The following ADAM32 variants were observed in gnomAD, a reference collection of about 807,000 sequenced individuals.
ADAM32 encodes the protein ADAM metallopeptidase domain 32, also known as disintegrin and metalloproteinase domain-containing protein 32.
A neutral mutation model predicts 114.9 loss-of-function variants in ADAM32; 89 were observed. The observed-to-expected ratio is 0.77, with a 90% CI of 0.65 to 0.92. The LOEUF (loss-of-function observed/expected upper bound fraction) is 0.92, where lower values mean the gene tolerates loss of function less well. ADAM32 is among the 40% of genes least tolerant of loss of function. The pLI, the probability that ADAM32 is intolerant of heterozygous loss-of-function variation, is 0.00. For synonymous variants in ADAM32, 285 were observed against 307.5 expected, an observed-to-expected ratio of 0.93 and a Z score of 0.77; for missense variants, 870 against 932.8, an observed-to-expected ratio of 0.93 and a Z score of 0.88.
At chr8:39,125,653 T>A (rs896225175) in intron 2 of ADAM32, among the ~76,000 whole-genome samples, 1 of 152,236 alleles carries the variant, frequency 6.6e-6, no homozygotes, top group Admixed American at 6.5e-5. Flanking sequence ...TACTTTCTTT[T>A]GCCCCACAGA....
intron 11 of ADAM32, among the ~76,000 whole-genome samples, chr8:39,204,043 G>A (rs1054374481): frequency 1.3e-4 from 20 of 152,232 alleles, no homozygotes; most frequent in South Asian, 1.0e-3. Flanking sequence ...AACCGGACCC[G>A]TCTCTCTGGC....
intron 19 of ADAM32, among the ~76,000 whole-genome samples, chr8:39,263,456 C>T (rs892204438): frequency 2.0e-5 from 3 of 152,124 alleles, no homozygotes; most frequent in Non-Finnish European, 2.9e-5. Flanking sequence ...TTAGTGTCCC[C>T]ATTCTAGCCT....
rs560914420 is a variant in ADAM32, at chr8:39,189,866, C to T, written c.1052+2821C>T. Among the ~76,000 whole-genome samples the T allele has an allele frequency of 5.9e-5, 9 of 151,954 alleles. No individual in the cohort carries two copies. The South Asian group carries it at 1.2e-3, about 21-fold the overall frequency. ...AGGCTGGAGTGCGGTGGCGCGATCTCGGCTCACTGCAAGCTTCGGCTCACT... is the reference window on the plus strand; with the variant it reads ...AGGCTGGAGTGCGGTGGCGCGATCTTGGCTCACTGCAAGCTTCGGCTCACT... On this transcript the variant is annotated intron_variant, in intron 11 of 24. Coordinates refer to ENST00000379907, the MANE Select transcript of ADAM32 (RefSeq NM_145004.7).
At chr8:39,166,625 T>C (rs1804854968) in intron 9 of ADAM32, 1 of 152,216 alleles carries the variant, frequency 6.6e-6, no homozygotes, top group South Asian at 2.1e-4. Flanking sequence ...CTGTTTTCCA[T>C]AGTGGCTGTA....
At chr8:39,266,152 A>G (rs1049803393) in intron 19 of ADAM32, among the ~76,000 whole-genome samples, 15 of 152,100 alleles carry the variant, frequency 9.9e-5, no homozygotes, top group African/African-American at 3.6e-4. Context: ...GGGGATGGTC[A>G]TCTTGTATGG....
In ADAM32 at chr8:39,246,156, C is replaced by T. The variant is rs774190637; in HGVS notation, c.1892C>T (p.Ser631Phe). 5.0e-6 allele frequency: 8 copies of T among 1,612,630 alleles called. No individual in the cohort carries two copies. The East Asian group carries it at 1.6e-4, about 31-fold the overall frequency. ...GCACATGTTTGTTCACAACAGTGTT[C>T]TGGACATGGAGTAAGTAACCACATG... ...ASAHVCSQQCSGHGVCDSRNK... is the reference protein window; with the variant it reads ...ASAHVCSQQCFGHGVCDSRNK... The change falls in exon 17 of 25, where the codon TCT becomes TTT. Residue 631 changes from serine to phenylalanine, a missense_variant. Coordinates refer to ENST00000379907, the MANE Select transcript of ADAM32 (RefSeq NM_145004.7).
chr8:39,209,548 G>A (rs747167551), intron 11 of ADAM32, among the ~76,000 whole-genome samples: 27 of 152,074 alleles, frequency 1.8e-4, no homozygotes, highest in Non-Finnish European at 1.5e-5. Context: ...ATGTATCTGG[G>A]CATTAAATAA....
intron 23 of ADAM32, 69 bp downstream of exon 23, chr8:39,281,243 T>C: frequency 2.1e-6 from 2 of 951,826 alleles, no homozygotes; most frequent in Non-Finnish European, 2.9e-6. Context: ...AGTTGATAAT[T>C]CACAAATAAT....
intron 16 of ADAM32, among the ~76,000 whole-genome samples, chr8:39,241,154 T>G (rs926587046): frequency 6.6e-6 from 1 of 152,194 alleles, no homozygotes; most frequent in Non-Finnish European, 1.5e-5. Context: ...CTCCTTTGAC[T>G]CCATGTCTCA....
intron 10 of ADAM32, among the ~76,000 whole-genome samples, chr8:39,179,063 G>T (rs1157689965): frequency 6.6e-6 from 1 of 152,166 alleles, no homozygotes; most frequent in African/African-American, 2.4e-5. Context: ...CAGATGTGCT[G>T]TGTTTGGGGG....
intron 19 of ADAM32, among the ~76,000 whole-genome samples, chr8:39,266,160 T>C (rs1339197505): frequency 6.6e-6 from 1 of 152,166 alleles, no homozygotes; most frequent in African/African-American, 2.4e-5. Flanking sequence ...TCATCTTGTA[T>C]GGTATCTCAC....
intron 15 of ADAM32, 113 bp from the exon 16 acceptor site, chr8:39,233,786 A>G: frequency 1.5e-6 from 1 of 667,316 alleles, no homozygotes. Context: ...GTTTTCTGTA[A>G]GTACATTGCC....
intron 3 of ADAM32, among the ~76,000 whole-genome samples, chr8:39,144,217 C>T (rs560554981): frequency 3.3e-5 from 5 of 152,158 alleles, no homozygotes; most frequent in Non-Finnish European, 7.3e-5. Flanking sequence ...GCTTTCCCTC[C>T]GTGGGCTGTA....
intron 20 of ADAM32, among the ~76,000 whole-genome samples, chr8:39,271,547 A>G (rs1485730842): frequency 1.3e-5 from 2 of 152,142 alleles, no homozygotes; most frequent in Non-Finnish European, 2.9e-5. Flanking sequence ...CTCAAAAAAA[A>G]AAAAATGCTT....
intron 6 of ADAM32, chr8:39,157,961 C>T (rs1257124183): frequency 3.0e-6 from 1 of 331,290 alleles, no homozygotes; most frequent in Non-Finnish European, 5.8e-6. Context: ...GGATGCCATG[C>T]CCCAATATAG....
chr8:39,176,925 C>G (rs1209011617), intron 10 of ADAM32, among the ~76,000 whole-genome samples: 1 of 152,118 alleles, frequency 6.6e-6, no homozygotes, highest in African/African-American at 2.4e-5. Flanking sequence ...GAATTGAACC[C>G]TTTACCATTA....
chr8:39,171,672 T>C (rs536878098), intron 10 of ADAM32, among the ~76,000 whole-genome samples: 6 of 152,194 alleles, frequency 3.9e-5, no homozygotes, highest in Admixed American at 1.3e-4. Context: ...TAAGTTCTTC[T>C]GTTGGTTAAA....
At chr8:39,126,001 A>G (rs956596825) in intron 2 of ADAM32, among the ~76,000 whole-genome samples, 2 of 152,072 alleles carry the variant, frequency 1.3e-5, no homozygotes, top group East Asian at 1.9e-4. Flanking sequence ...TGAGTTCTCT[A>G]TTCTGTTCCG....
intron 14 of ADAM32, chr8:39,223,854 T>C (rs150554588): frequency 6.6e-6 from 1 of 152,102 alleles, no homozygotes; most frequent in African/African-American, 2.4e-5. Context: ...ATTTTTGAGT[T>C]TGACAATTTT....
Sources: gnomAD v4.1 joint callset for allele counts (sites outside exome capture counted in the v4.1 genomes callset) on GRCh38, gnomAD v4.1.1 for gene constraint, MANE v1.5 for transcripts, NCBI Gene and HGNC (gene_info 2026-07-23, HGNC 2026-07-21) for gene names.